FXR1: variants seen among roughly 807,000 people sequenced by gnomAD.
FXR1 encodes the protein RNA-binding protein FXR1.
Under a neutral mutation model 84.0 loss-of-function variants are expected in FXR1, and 15 were observed. The ratio of observed to expected loss-of-function variants is 0.18; its 90% CI spans 0.12 to 0.27. The LOEUF is 0.27. Among genes scored for constraint, FXR1 ranks in the 10% least tolerant of loss-of-function variants. FXR1 has a pLI of 1.00. For missense variants in FXR1, 480 were observed against 774.4 expected (o/e 0.62, Z 4.51); for synonymous variants, 245 against 250.7 (o/e 0.98, Z 0.21).
intron 2 of FXR1, among the ~76,000 whole-genome samples, chr3:180,933,824 C>T (rs953156772): frequency 4.6e-5 from 7 of 151,818 alleles, no homozygotes; most frequent in Admixed American, 6.6e-5. Context: ...TATAAAAGAG[C>T]GCTGGGCTGC....
intron 1 of FXR1, among the ~76,000 whole-genome samples, chr3:180,919,996 A>G (rs1718383476): frequency 6.6e-6 from 1 of 152,198 alleles, no homozygotes; most frequent in Non-Finnish European, 1.5e-5. Context: ...CTATCAGTGT[A>G]TTTAACTTGC....
intron 2 of FXR1, among the ~76,000 whole-genome samples, chr3:180,934,367 A>T (rs114775573): frequency 0.014 from 2,134 of 152,310 alleles, 29 homozygotes; most frequent in Non-Finnish European, 0.024. Flanking sequence ...ATTTTATGTC[A>T]TAGTATACTT....
intron 13 of FXR1, among the ~76,000 whole-genome samples, chr3:180,966,253 A>C (rs1455182161): frequency 6.6e-6 from 1 of 152,162 alleles, no homozygotes; most frequent in Non-Finnish European, 1.5e-5. Flanking sequence ...GAGTAATAGA[A>C]ATTTGATGTA....
intron 3 of FXR1, among the ~76,000 whole-genome samples, chr3:180,940,580 G>GTTTTGTTTTTTTT (rs746815811): frequency 3.4e-5 from 5 of 146,148 alleles, no homozygotes; most frequent in African/African-American, 2.7e-5. Flanking sequence ...GTTTTTTTCT[G>GTTTTGTTTTTTTT]TTTTCTTTTT....
chr3:180,967,125 A>G (rs957371629), intron 13 of FXR1, among the ~76,000 whole-genome samples: 1 of 152,186 alleles, frequency 6.6e-6, no homozygotes, highest in Admixed American at 6.5e-5. Context: ...GAAACCTTAA[A>G]TTCTGTTTAG....
chr3:180,975,835 T>G (rs575174568), intron 16 of FXR1, among the ~76,000 whole-genome samples: 3 of 152,332 alleles, frequency 2.0e-5, no homozygotes, highest in African/African-American at 7.2e-5. Context: ...TATGTCATTT[T>G]CATGGTGAGC....
At chr3:180,954,135 T>C in intron 9 of FXR1, 1 of 249,028 alleles carries the variant, frequency 4.0e-6, no homozygotes, top group Non-Finnish European at 7.6e-6. Flanking sequence ...CCTTGGGATC[T>C]TCCCTATTAT....
At chr3:180,913,289 G>A (rs1186514163) in intron 1 of FXR1, among the ~76,000 whole-genome samples, 1 of 152,226 alleles carries the variant, frequency 6.6e-6, no homozygotes, top group East Asian at 1.9e-4. Context: ...GTACCGGATT[G>A]AGGGTTAGGA....
chr3:180,943,456 G>A (rs1251021482), intron 3 of FXR1, among the ~76,000 whole-genome samples: 2 of 151,242 alleles, frequency 1.3e-5, no homozygotes, highest in African/African-American at 2.4e-5. Context: ...TAGTAGAGAC[G>A]GGGTTTTGCC....
At chr3:180,940,828 G>A (rs1471394310) in intron 3 of FXR1, among the ~76,000 whole-genome samples, 5 of 152,006 alleles carry the variant, frequency 3.3e-5, no homozygotes, top group Admixed American at 2.0e-4. Flanking sequence ...CACCCGCCTC[G>A]GCCTCCCAAA....
chr3:180,967,991 G>A, intron 13 of FXR1, 60 bp from the exon 14 acceptor site: 1 of 1,077,168 alleles, frequency 9.3e-7, no homozygotes, highest in Admixed American at 1.7e-5. Flanking sequence ...ACATAATTTT[G>A]AACATTTTAA....
intron 15 of FXR1, chr3:180,971,014 G>GT (rs928435057): frequency 2.3e-5 from 10 of 428,594 alleles, no homozygotes; most frequent in East Asian, 1.2e-4. Flanking sequence ...AGGAAAGAAG[G>GT]TTTTTTTGTT....
At chr3:180,933,254 T>A (rs1720143212) in intron 1 of FXR1, 80 bp from the exon 2 acceptor site, 1 of 814,776 alleles carries the variant, frequency 1.2e-6, no homozygotes, top group East Asian at 2.5e-5. Flanking sequence ...TACTCCCTAT[T>A]ATCTTTGAAC....
At chr3:180,939,068 T>A (rs1720844230) in intron 3 of FXR1, among the ~76,000 whole-genome samples, 1 of 152,032 alleles carries the variant, frequency 6.6e-6, no homozygotes, top group East Asian at 1.9e-4. Flanking sequence ...CTAATTTTTT[T>A]ATTTTTAGTA....
chr3:180,953,919 T>A, intron 9 of FXR1, 79 bp downstream of exon 9: 1 of 735,358 alleles, frequency 1.4e-6, no homozygotes, highest in Non-Finnish European at 2.4e-6. Context: ...AAAACTAGTC[T>A]TGTAGTCTGA....
chr3:180,928,018 T>C (rs1687302554), intron 1 of FXR1, among the ~76,000 whole-genome samples: 1 of 152,094 alleles, frequency 6.6e-6, no homozygotes, highest in African/African-American at 2.4e-5. Context: ...GGTTTTGCTT[T>C]TTTGGTTAGA....
chr3:180,978,183 A>T lies in FXR1; in HGVS notation c.*1891A>T, dbSNP rs1184772355. The stretch of plus-strand genomic sequence containing the variant: ...ATGCCAAATTGGTAAATATGGTGTA[A>T]AAAAAAAAAAAAAGACTTTTCATTT... On this transcript the variant is annotated 3_prime_UTR_variant, in exon 17 of 17. Coordinates refer to ENST00000357559, the MANE Select transcript of FXR1 (RefSeq NM_005087.4). 7.8e-6 allele frequency: 1 copy of T among 128,814 alleles called. No individual in the cohort carries two copies. The highest frequency in any genetic ancestry group is 7.2e-5 in the Admixed American group (1 of 13,820). 8.0% of individuals were successfully genotyped at this position (128,814 alleles called of 1,614,324 possible). A position where few individuals can be genotyped will look rare whatever the true frequency, so the allele number is the denominator to read the frequency against.
intron 3 of FXR1, among the ~76,000 whole-genome samples, chr3:180,947,237 A>G (rs1576953336): frequency 6.6e-6 from 1 of 152,080 alleles, no homozygotes; most frequent in Non-Finnish European, 1.5e-5. Context: ...TAGTAGAGAC[A>G]GGGTTTACCG....
chr3:180,962,286 A>G (rs1033906252), intron 11 of FXR1, among the ~76,000 whole-genome samples: 2 of 152,152 alleles, frequency 1.3e-5, no homozygotes, highest in Non-Finnish European at 2.9e-5. Flanking sequence ...TTTCTTTTGA[A>G]ATTCATCTTT....
Sources: gnomAD v4.1 joint callset for allele counts (sites outside exome capture counted in the v4.1 genomes callset) on GRCh38, gnomAD v4.1.1 for gene constraint, MANE v1.5 for transcripts, NCBI Gene and HGNC (gene_info 2026-07-23, HGNC 2026-07-21) for gene names.